Variants in CDH12 observed in about 807,000 individuals in gnomAD.
CDH12 encodes the protein cadherin-12.
A neutral mutation model predicts 74.1 loss-of-function variants in CDH12; 41 were observed. That is an observed-to-expected ratio of 0.55 (90% CI 0.43 to 0.72). The LOEUF (loss-of-function observed/expected upper bound fraction) is 0.72, where lower values mean the gene tolerates loss of function less well. Ranked by LOEUF, CDH12 falls within the 30% of genes least tolerant of loss-of-function variation. CDH12 has a pLI of 0.00. For synonymous variants in CDH12, 399 were observed against 355.0 expected (o/e 1.12, Z -1.39); for missense variants, 945 against 977.2 (o/e 0.97, Z 0.44).
chr5:22,404,964 C>A (rs1742877408), intron 3 of CDH12, among the ~76,000 whole-genome samples: 1 of 152,172 alleles, frequency 6.6e-6, no homozygotes. Context: ...AATTCCAGCT[C>A]TTTGGGAGGC....
At chr5:22,089,332 A>C (rs1441695012) in intron 4 of CDH12, among the ~76,000 whole-genome samples, 6 of 152,140 alleles carry the variant, frequency 3.9e-5, no homozygotes, top group African/African-American at 1.4e-4. Context: ...GCAAGGAAAC[A>C]GAAAAATGGG....
At chr5:22,192,413 T>C (rs1474326757) in intron 4 of CDH12, among the ~76,000 whole-genome samples, 1 of 151,980 alleles carries the variant, frequency 6.6e-6, no homozygotes, top group African/African-American at 2.4e-5. Flanking sequence ...TGGCTGGAAA[T>C]GAGAGAGCGT....
intron 1 of CDH12, among the ~76,000 whole-genome samples, chr5:22,753,450 A>C (rs2127039016): frequency 6.7e-6 from 1 of 150,036 alleles, no homozygotes; most frequent in Middle Eastern, 3.4e-3. Context: ...AAAAAAAAAA[A>C]AGGCAGATGA....
intron 3 of CDH12, chr5:22,278,183 C>T (rs1319770595): frequency 6.6e-6 from 1 of 152,128 alleles, no homozygotes; most frequent in African/African-American, 2.4e-5. Context: ...AATAAATTAT[C>T]ATAGAAATCA....
intron 1 of CDH12, among the ~76,000 whole-genome samples, chr5:22,594,783 T>C (rs1215463466): frequency 6.7e-6 from 1 of 149,602 alleles, no homozygotes; most frequent in East Asian, 1.9e-4. Flanking sequence ...TATTTGAAGT[T>C]CATTTCAGGA....
chr5:22,292,416 GCTT>G (rs1737435032), intron 3 of CDH12, among the ~76,000 whole-genome samples: 1 of 140,314 alleles, frequency 7.1e-6, no homozygotes, highest in African/African-American at 2.7e-5. Flanking sequence ...AAACTTAAAA[GCTT>G]CTGCACAGCA....
At chr5:21,818,809 AT>A (rs1441651195) in intron 8 of CDH12, among the ~76,000 whole-genome samples, 4 of 152,018 alleles carry the variant, frequency 2.6e-5, no homozygotes, top group Non-Finnish European at 5.9e-5. Context: ...AAATAAAAAA[AT>A]AAACATTATA....
At chr5:22,325,736 A>T (rs1739062180) in intron 3 of CDH12, among the ~76,000 whole-genome samples, 1 of 152,062 alleles carries the variant, frequency 6.6e-6, no homozygotes, top group Non-Finnish European at 1.5e-5. Context: ...AATACAAAAA[A>T]AATCTACTAA....
At chr5:21,761,002 G>A (rs1026233608) in intron 12 of CDH12, among the ~76,000 whole-genome samples, 23 of 152,066 alleles carry the variant, frequency 1.5e-4, no homozygotes, top group African/African-American at 5.6e-4. Flanking sequence ...TGAAATAAAT[G>A]CTTTCTAGCC....
intron 3 of CDH12, among the ~76,000 whole-genome samples, chr5:22,244,714 AGAGAGAG>A: frequency 6.8e-6 from 1 of 146,040 alleles, no homozygotes; most frequent in Non-Finnish European, 1.5e-5. Context: ...AAAGAGAAAG[AGAGAGAG>A]AAAGAAAAAG....
intron 3 of CDH12, among the ~76,000 whole-genome samples, chr5:22,355,798 AATAC>A (rs1312598027): frequency 6.6e-6 from 1 of 152,026 alleles, no homozygotes; most frequent in African/African-American, 2.4e-5. Flanking sequence ...TTCCTGTACA[AATAC>A]ATACATACAT....
intron 1 of CDH12, among the ~76,000 whole-genome samples, chr5:22,619,305 G>A (rs1042698589): frequency 6.6e-6 from 1 of 152,178 alleles, no homozygotes; most frequent in South Asian, 2.1e-4. Context: ...ACAATCCTGT[G>A]AGAACTTATC....
At chr5:22,166,108 C>G (rs1314347250) in intron 4 of CDH12, among the ~76,000 whole-genome samples, 2 of 152,044 alleles carry the variant, frequency 1.3e-5, no homozygotes, top group South Asian at 2.1e-4. Flanking sequence ...ATCCAAGAAC[C>G]CTCTGTTGGG....
chr5:22,097,110 TTGCTACAAGTGCCAGAAA>T (rs1743828458), intron 4 of CDH12, among the ~76,000 whole-genome samples: 1 of 152,186 alleles, frequency 6.6e-6, no homozygotes, highest in African/African-American at 2.4e-5. Flanking sequence ...CCTCAGGAGC[TTGCTACAAGTGCCAGAAA>T]TCTGGCCACC....
chr5:21,992,745 C>A (rs2547655), intron 5 of CDH12, among the ~76,000 whole-genome samples: 4 of 152,078 alleles, frequency 2.6e-5, no homozygotes, highest in South Asian at 4.1e-4. Flanking sequence ...AACTTATAAA[C>A]GGAATTTCCA....
At chr5:22,357,425 C>T (rs985941806) in intron 3 of CDH12, among the ~76,000 whole-genome samples, 1 of 151,706 alleles carries the variant, frequency 6.6e-6, no homozygotes, top group Non-Finnish European at 1.5e-5. Context: ...CTCGGTACCC[C>T]AAATGGAAGA....
intron 6 of CDH12, among the ~76,000 whole-genome samples, chr5:21,895,932 G>T (rs879866889): frequency 1.3e-5 from 2 of 152,158 alleles, no homozygotes; most frequent in Non-Finnish European, 2.9e-5. Flanking sequence ...TCAGTGTGTG[G>T]CTCTTGGCTG....
At chr5:22,642,754 C>T (rs1247533524) in intron 1 of CDH12, among the ~76,000 whole-genome samples, 1 of 151,800 alleles carries the variant, frequency 6.6e-6, no homozygotes, top group East Asian at 1.9e-4. Context: ...TATGAAACAT[C>T]GATTTACTAA....
intron 13 of CDH12, among the ~76,000 whole-genome samples, chr5:21,756,532 C>T (rs992627968): frequency 3.9e-5 from 6 of 152,164 alleles, no homozygotes; most frequent in Admixed American, 3.3e-4. Flanking sequence ...TAATGTGAGA[C>T]AATAAAAATT....
Sources: allele counts gnomAD v4.1 joint callset (sites outside exome capture counted in the v4.1 genomes callset), GRCh38; gene constraint gnomAD v4.1.1; transcripts MANE v1.5; gene names NCBI Gene and HGNC (gene_info 2026-07-23, HGNC 2026-07-21).